The following HNF4G variants were observed in gnomAD, a reference collection of about 807,000 sequenced individuals.
HNF4G encodes hepatocyte nuclear factor 4-gamma.
A neutral mutation model predicts 50.9 loss-of-function variants in HNF4G; 21 were observed. The ratio of observed to expected loss-of-function variants is 0.41; its 90% CI spans 0.29 to 0.59. The LOEUF (loss-of-function observed/expected upper bound fraction) is 0.59. Ranked by LOEUF, HNF4G falls within the 20% of genes least tolerant of loss-of-function variation. HNF4G has a pLI of 0.26. For synonymous variants in HNF4G, 198 were observed against 185.6 expected (o/e 1.07, Z -0.54); for missense variants, 527 against 559.4 (o/e 0.94, Z 0.58).
At chr8:75,431,433 A>C (rs955613619) in intron 1 of HNF4G, among the ~76,000 whole-genome samples, 2 of 152,224 alleles carry the variant, frequency 1.3e-5, no homozygotes, top group African/African-American at 2.4e-5. Context: ...ACATTGATCG[A>C]GATTTTAAAA....
intron 1 of HNF4G, among the ~76,000 whole-genome samples, chr8:75,450,939 A>T (rs1312372130): frequency 1.3e-5 from 2 of 152,120 alleles, no homozygotes; most frequent in Non-Finnish European, 2.9e-5. Context: ...CCGCCATGGG[A>T]TGATGCAGCA....
intron 1 of HNF4G, among the ~76,000 whole-genome samples, chr8:75,423,335 CTT>C (rs34511777): frequency 2.3e-4 from 22 of 94,606 alleles, no homozygotes; most frequent in African/African-American, 6.1e-4. Context: ...TTTTCTTTAT[CTT>C]TTTTTTTTTT....
At chr8:75,477,344 A>G (rs188185963) in intron 1 of HNF4G, among the ~76,000 whole-genome samples, 22 of 152,272 alleles carry the variant, frequency 1.4e-4, no homozygotes, top group African/African-American at 4.6e-4. Flanking sequence ...CACTATGGGG[A>G]ATGAGAAATG....
At chr8:75,458,502 A>G (rs1383073355) in intron 1 of HNF4G, among the ~76,000 whole-genome samples, 3 of 151,814 alleles carry the variant, frequency 2.0e-5, no homozygotes, top group Non-Finnish European at 4.4e-5. Context: ...TCAAATTTTC[A>G]TAATATCTAC....
intron 2 of HNF4G, among the ~76,000 whole-genome samples, chr8:75,496,007 A>C (rs1387005670): frequency 7.2e-5 from 11 of 152,112 alleles, no homozygotes; most frequent in Admixed American, 6.6e-4. Flanking sequence ...CTACTGTATT[A>C]TAGTTATGAG....
At chr8:75,487,826 G>T (rs1325645529) in intron 1 of HNF4G, among the ~76,000 whole-genome samples, 1 of 152,174 alleles carries the variant, frequency 6.6e-6, no homozygotes, top group African/African-American at 2.4e-5. Flanking sequence ...AAAAGAAAGA[G>T]ATTTGACTCA....
intron 2 of HNF4G, among the ~76,000 whole-genome samples, chr8:75,521,081 T>C (rs924607399): frequency 6.6e-6 from 1 of 152,174 alleles, no homozygotes; most frequent in Non-Finnish European, 1.5e-5. Context: ...CAAGTGGATA[T>C]ATTTTATACA....
chr8:75,520,891 C>T (rs1454525965), intron 2 of HNF4G, among the ~76,000 whole-genome samples: 1 of 151,726 alleles, frequency 6.6e-6, no homozygotes, highest in Admixed American at 6.6e-5. Context: ...CACAAGTAAC[C>T]TAAAATTAAT....
intron 2 of HNF4G, among the ~76,000 whole-genome samples, chr8:75,529,249 C>T (rs1806265517): frequency 6.6e-6 from 1 of 151,970 alleles, no homozygotes. Flanking sequence ...TGAGATCGCG[C>T]CACTGCACTC....
chr8:75,500,711 C>A (rs1812904059), intron 2 of HNF4G, among the ~76,000 whole-genome samples: 1 of 152,072 alleles, frequency 6.6e-6, no homozygotes, highest in Non-Finnish European at 1.5e-5. Context: ...ATACCTATTA[C>A]AACATGGATT....
At chr8:75,417,115 G>A (rs1284407618) in intron 1 of HNF4G, among the ~76,000 whole-genome samples, 1 of 63,884 alleles carries the variant, frequency 1.6e-5, no homozygotes, top group South Asian at 4.4e-4. Context: ...GGTCGCACGC[G>A]TGTGCGCACA....
At chr8:75,409,225 A>G (rs1810435473) in intron 1 of HNF4G, among the ~76,000 whole-genome samples, 1 of 152,114 alleles carries the variant, frequency 6.6e-6, no homozygotes, top group Admixed American at 6.6e-5. Flanking sequence ...AATGGAGTGG[A>G]AAATTGAGAG....
chr8:75,514,232 A>G (rs1805831589), intron 2 of HNF4G, among the ~76,000 whole-genome samples: 1 of 151,538 alleles, frequency 6.6e-6, no homozygotes, highest in Non-Finnish European at 1.5e-5. Flanking sequence ...TTTGGTCTTC[A>G]AATTTCTTTT....
chr8:75,428,389 C>A (rs1810934053), intron 1 of HNF4G, among the ~76,000 whole-genome samples: 1 of 152,008 alleles, frequency 6.6e-6, no homozygotes, highest in African/African-American at 2.4e-5. Context: ...AAACTATTTC[C>A]TAGGGGCAGT....
chr8:75,464,759 A>C (rs77803384), intron 1 of HNF4G, among the ~76,000 whole-genome samples: 1 of 152,192 alleles, frequency 6.6e-6, no homozygotes, highest in Non-Finnish European at 1.5e-5. Context: ...TCTCATTTAG[A>C]TCATGGGACA....
At chr8:75,429,746 G>A (rs73341197) in intron 1 of HNF4G, among the ~76,000 whole-genome samples, 2,007 of 152,216 alleles carry the variant, frequency 0.013, 41 homozygotes, top group African/African-American at 0.046. Context: ...GAAGAAAGAA[G>A]GCTAGAATCA....
intron 2 of HNF4G, among the ~76,000 whole-genome samples, chr8:75,514,445 C>T (rs1476099188): frequency 6.7e-6 from 1 of 149,890 alleles, no homozygotes; most frequent in Non-Finnish European, 1.5e-5. Context: ...CTCCACCTCC[C>T]GGGTTCAAGC....
At chr8:75,474,182 T>G (rs867695570) in intron 1 of HNF4G, among the ~76,000 whole-genome samples, 5 of 152,198 alleles carry the variant, frequency 3.3e-5, no homozygotes, top group Non-Finnish European at 7.3e-5. Flanking sequence ...GGAGGGATAC[T>G]GGATATAGAT....
At chr8:75,423,638 C>A (rs1273672741) in intron 1 of HNF4G, among the ~76,000 whole-genome samples, 1 of 151,848 alleles carries the variant, frequency 6.6e-6, no homozygotes, top group Non-Finnish European at 1.5e-5. Flanking sequence ...GGCCTGCCCA[C>A]CTTGGGCTCC....
Sources: gnomAD v4.1 joint callset for allele counts (sites outside exome capture counted in the v4.1 genomes callset) on GRCh38, gnomAD v4.1.1 for gene constraint, MANE v1.5 for transcripts, NCBI Gene and HGNC (gene_info 2026-07-23, HGNC 2026-07-21) for gene names.